Variants in IMMP2L observed in about 807,000 individuals in gnomAD.
The protein encoded by IMMP2L is mitochondrial inner membrane protease subunit 2.
IMMP2L carries 18 observed loss-of-function variants against 19.3 expected under a neutral mutation model. That is an observed-to-expected ratio of 0.93 (90% CI 0.64 to 1.38). IMMP2L has a LOEUF of 1.38. Ranked by LOEUF, IMMP2L falls within the 40% of genes most tolerant of loss-of-function variation. The pLI is 0.00. For synonymous variants in IMMP2L, 76 were observed against 73.0 expected (o/e 1.04, Z -0.21); for missense variants, 233 against 218.2 (o/e 1.07, Z -0.43).
chr7:111,524,748 T>C (rs1265623380), intron 1 of IMMP2L, among the ~76,000 whole-genome samples: 1 of 152,100 alleles, frequency 6.6e-6, no homozygotes. Context: ...ACCTCCTTAC[T>C]AGATTAAGAA....
chr7:111,084,396 G>A lies in IMMP2L; in HGVS notation c.240-120831C>T, dbSNP rs529507156. Among the ~76,000 whole-genome samples, 15 of 152,040 alleles carry A rather than the reference G, an allele frequency of 9.9e-5. No homozygotes were observed. The South Asian group carries it at 3.1e-3, about 32-fold the overall frequency. On this transcript the variant is annotated intron_variant, in intron 3 of 5. Coordinates refer to ENST00000405709, the MANE Select transcript of IMMP2L (RefSeq NM_032549.4). The stretch of plus-strand genomic sequence containing the variant: ...TAGACACGTAGAGTACAGAGTGCCT[G>A]GGGATCACGCAAGTAGAGACATTTA...
intron 3 of IMMP2L, among the ~76,000 whole-genome samples, chr7:111,364,566 C>T (rs192207642): frequency 1.3e-5 from 2 of 148,628 alleles, no homozygotes; most frequent in Non-Finnish European, 3.0e-5. Context: ...GCCCTGGAGG[C>T]AGAGGTTGCA....
At chr7:111,479,824 C>G (rs149081265) in intron 3 of IMMP2L, among the ~76,000 whole-genome samples, 238 of 151,988 alleles carry the variant, frequency 1.6e-3, no homozygotes, top group African/African-American at 5.3e-3. Context: ...TAATTTTGTT[C>G]TTTGAAAACT....
At chr7:111,181,021 T>A (rs1162889736) in intron 3 of IMMP2L, among the ~76,000 whole-genome samples, 1 of 152,036 alleles carries the variant, frequency 6.6e-6, no homozygotes, top group Admixed American at 6.6e-5. Context: ...ATACTTTTAC[T>A]ATACCATTAT....
At chr7:111,300,605 C>T (rs538785559) in intron 3 of IMMP2L, among the ~76,000 whole-genome samples, 7 of 152,040 alleles carry the variant, frequency 4.6e-5, no homozygotes, top group Non-Finnish European at 1.0e-4. Flanking sequence ...ATAGACACAA[C>T]CAAACTCCTT....
At position 110,877,899 on chromosome 7, in the gene IMMP2L, A is replaced by G. The variant is rs1055213457; in HGVS notation, c.408+8694T>C. On this transcript the variant is annotated intron_variant, in intron 5 of 5. Coordinates refer to ENST00000405709, the MANE Select transcript of IMMP2L (RefSeq NM_032549.4). The surrounding 1 kb of genome is among the most constrained non-coding windows in gnomAD (Gnocchi z 4.0). ...ACATATGTTTTTCCATATATTTTAT[A>G]CTCTAAAAATAAAAAACAAAAAACA... Among the ~76,000 whole-genome samples, 2 of 152,090 alleles carry G rather than the reference A, an allele frequency of 1.3e-5. No homozygotes were observed. Among genetic ancestry groups the G allele is most frequent in the African/African-American group, 4.8e-5 (2 of 41,414 alleles).
At chr7:111,378,176 T>C (rs1156951885) in intron 3 of IMMP2L, among the ~76,000 whole-genome samples, 1 of 151,974 alleles carries the variant, frequency 6.6e-6, no homozygotes, top group African/African-American at 2.4e-5. Flanking sequence ...AAAACAATTA[T>C]ATGTCAGGAT....
At chr7:111,347,834 T>C (rs1669668186) in intron 3 of IMMP2L, among the ~76,000 whole-genome samples, 1 of 152,050 alleles carries the variant, frequency 6.6e-6, no homozygotes, top group Non-Finnish European at 1.5e-5. Flanking sequence ...GTGACATAGT[T>C]CCCCACCTTT....
intron 3 of IMMP2L, among the ~76,000 whole-genome samples, chr7:111,203,708 T>G (rs1810405496): frequency 1.3e-5 from 2 of 151,980 alleles, no homozygotes; most frequent in South Asian, 4.2e-4. Flanking sequence ...TTGTCCATTT[T>G]CTGGAGGAAG....
At chr7:110,741,522 C>T (rs576023806) in intron 5 of IMMP2L, among the ~76,000 whole-genome samples, 1 of 152,264 alleles carries the variant, frequency 6.6e-6, no homozygotes, top group Admixed American at 6.5e-5. Context: ...GGACACACAG[C>T]AAGAAGGCAC....
chr7:111,465,454 T>C (rs1326477429), intron 3 of IMMP2L, among the ~76,000 whole-genome samples: 3 of 148,220 alleles, frequency 2.0e-5, no homozygotes, highest in South Asian at 2.1e-4. Flanking sequence ...TTTTGTTTAA[T>C]TGTTTGGGGA....
chr7:111,296,594 C>T lies in IMMP2L; in HGVS notation c.239+190644G>A, dbSNP rs575592611. On this transcript the variant is annotated intron_variant, in intron 3 of 5. Coordinates refer to ENST00000405709, the MANE Select transcript of IMMP2L (RefSeq NM_032549.4). ...GTAGGAATATAAAATGGTACAGCCA[C>T]CCCAGAGAATAGTTAGAAATTTTCT... Among the ~76,000 whole-genome samples the T allele has an allele frequency of 5.9e-5, 9 of 151,702 alleles. No individual in the cohort carries two copies. The South Asian group carries it at 1.9e-3, about 32-fold the overall frequency.
chr7:111,082,880 C>G (rs1013815257), intron 3 of IMMP2L, among the ~76,000 whole-genome samples: 1 of 147,448 alleles, frequency 6.8e-6, no homozygotes, highest in Admixed American at 6.7e-5. Context: ...AAAAATGACA[C>G]GTGTTGCTCT....
chr7:110,864,385 C>T (rs942880993), intron 5 of IMMP2L, among the ~76,000 whole-genome samples: 1 of 152,034 alleles, frequency 6.6e-6, no homozygotes, highest in East Asian at 1.9e-4. Flanking sequence ...CACAGGGACA[C>T]ACAAGCATGA....
At chr7:111,107,554 G>A (rs2129581869) in intron 3 of IMMP2L, among the ~76,000 whole-genome samples, 1 of 152,190 alleles carries the variant, frequency 6.6e-6, no homozygotes, top group African/African-American at 2.4e-5. Context: ...TGAATAAAAA[G>A]ATTCTGTGCA....
chr7:110,782,391 T>C (rs1336708692), intron 5 of IMMP2L, among the ~76,000 whole-genome samples: 1 of 151,910 alleles, frequency 6.6e-6, no homozygotes, highest in East Asian at 1.9e-4. Flanking sequence ...AGTACTTACT[T>C]TAGTATTGTC....
intron 5 of IMMP2L, among the ~76,000 whole-genome samples, chr7:110,776,404 T>C (rs956305335): frequency 3.9e-5 from 6 of 152,094 alleles, no homozygotes; most frequent in Admixed American, 2.0e-4. Flanking sequence ...AGCAGCCCAA[T>C]AGTCAAATAG....
At chr7:111,189,324 A>G (rs1165776847) in intron 3 of IMMP2L, among the ~76,000 whole-genome samples, 1 of 151,718 alleles carries the variant, frequency 6.6e-6, no homozygotes, top group African/African-American at 2.4e-5. Flanking sequence ...TGTATCAATG[A>G]TAACTATTAA....
intron 4 of IMMP2L, among the ~76,000 whole-genome samples, chr7:110,903,938 C>T (rs258990): frequency 0.47 from 71,661 of 151,740 alleles, 17,520 homozygotes; most frequent in East Asian, 0.8. Context: ...GGTGGTATCT[C>T]GTTGTGGTTT....
Sources: allele counts gnomAD v4.1 joint callset (sites outside exome capture counted in the v4.1 genomes callset), GRCh38; gene constraint gnomAD v4.1.1; non-coding constraint Gnocchi (gnomAD v3.1); transcripts MANE v1.5; gene names NCBI Gene and HGNC (gene_info 2026-07-23, HGNC 2026-07-21).